The following HMGN3 variants were observed in gnomAD, a reference collection of about 807,000 sequenced individuals.
HMGN3 encodes high mobility group nucleosome-binding domain-containing protein 3.
Under a neutral mutation model 18.8 loss-of-function variants are expected in HMGN3, and 6 were observed. The observed-to-expected ratio is 0.32, with a 90% CI of 0.18 to 0.63. The LOEUF (loss-of-function observed/expected upper bound fraction) is 0.63. Among genes scored for constraint, HMGN3 ranks in the 30% least tolerant of loss-of-function variants. HMGN3 has a pLI of 0.79. For synonymous variants in HMGN3, 40 were observed against 36.5 expected (o/e 1.10, Z -0.35); for missense variants, 107 against 114.2 (o/e 0.94, Z 0.29).
rs529168416 is a variant in HMGN3 at position 79,214,458 on chromosome 6, C to T, written c.66+514G>A. Among the ~76,000 whole-genome samples the T allele has an allele frequency of 1.3e-5, 2 of 152,292 alleles. 1 individual carries two copies. The highest frequency in any genetic ancestry group is 4.1e-4 in the South Asian group (2 of 4,828). On this transcript the variant is annotated intron_variant, in intron 2 of 5. Coordinates refer to ENST00000344726, the Ensembl canonical transcript of HMGN3. ...CCTCGTGATCCGCCCGCCTCGGCCA[C>T]CCAAAATGCTGGGATTACAGGCGTG... is the stretch of plus-strand genomic sequence containing the variant.
At chr6:79,215,080 A>T in intron 1 of HMGN3, 58 bp from the exon 2 acceptor site, 1 of 1,064,844 alleles carries the variant, frequency 9.4e-7, no homozygotes, top group Admixed American at 2.4e-5. Context: ...CATTAGAAAA[A>T]TGTTTTTAAA....
chr6:79,213,007 A>C (rs1411241698), intron 2 of HMGN3, among the ~76,000 whole-genome samples: 1 of 151,948 alleles, frequency 6.6e-6, no homozygotes, highest in Non-Finnish European at 1.5e-5. Context: ...ATTTTTATTA[A>C]CAACCAAAAA....
At chr6:79,220,724 G>A (rs1777237569) in intron 1 of HMGN3, among the ~76,000 whole-genome samples, 1 of 152,184 alleles carries the variant, frequency 6.6e-6, no homozygotes, top group Admixed American at 6.5e-5. Flanking sequence ...TGAGATTACA[G>A]GTGTGAGCCA....
At chr6:79,229,824 G>A (rs1777752425) in intron 1 of HMGN3, among the ~76,000 whole-genome samples, 1 of 152,062 alleles carries the variant, frequency 6.6e-6, no homozygotes, top group African/African-American at 2.4e-5. Flanking sequence ...CTTGCAGTGA[G>A]CTGAGATCGC....
chr6:79,203,776 C>G, intron 3 of HMGN3, 146 bp from the exon 4 acceptor site: 2 of 659,160 alleles, frequency 3.0e-6, no homozygotes, highest in East Asian at 2.7e-5. Flanking sequence ...TTTTCAGCAC[C>G]AGGTAACAGC....
chr6:79,226,436 T>C (rs1777571340), intron 1 of HMGN3, among the ~76,000 whole-genome samples: 1 of 152,144 alleles, frequency 6.6e-6, no homozygotes, highest in African/African-American at 2.4e-5. Context: ...CTAAAAACAG[T>C]CTGACTCATA....
chr6:79,234,502 G>A lies in HMGN3; in HGVS notation c.15+44C>T, dbSNP rs186038725. ...ATTGCAATGCCAGCATTTACTGTAA[G>A]CAGAATTTGAAGGCTTTTGAAATCT... On this transcript the variant is annotated intron_variant, in intron 1 of 5. Coordinates refer to ENST00000344726, the Ensembl canonical transcript of HMGN3. The A allele has an allele frequency of 4.4e-6, 7 of 1,597,476 alleles. No individual in the cohort carries two copies. In the African/African-American group the frequency reaches 8.0e-5, roughly 18 times the overall value.
intron 3 of HMGN3, among the ~76,000 whole-genome samples, chr6:79,206,125 T>G (rs1029853198): frequency 1.3e-5 from 2 of 152,196 alleles, no homozygotes; most frequent in African/African-American, 4.8e-5. Context: ...CAGAAAAGTT[T>G]AGAAAATTTG....
At chr6:79,202,292 T>C in exon 5 of HMGN3, 1 of 1,613,964 alleles carries the variant, frequency 6.2e-7, no homozygotes, top group Non-Finnish European at 8.5e-7. Flanking sequence ...AGCTTTAGTT[T>C]CACCATTTTC....
chr6:79,222,341 T>C (rs1329606001), intron 1 of HMGN3, among the ~76,000 whole-genome samples: 1 of 152,138 alleles, frequency 6.6e-6, no homozygotes, highest in East Asian at 1.9e-4. Flanking sequence ...AAAACCACTA[T>C]GGCACCAAAA....
intron 1 of HMGN3, among the ~76,000 whole-genome samples, chr6:79,230,781 G>GT (rs963061585): frequency 1.6e-4 from 25 of 151,802 alleles, no homozygotes; most frequent in Non-Finnish European, 2.6e-4. Context: ...TTTGTTAACA[G>GT]TTTTTTTTCC....
chr6:79,202,421 A>T, intron 4 of HMGN3, 32 bp from the exon 5 acceptor site: 1 of 1,525,368 alleles, frequency 6.6e-7, no homozygotes, highest in Non-Finnish European at 9.1e-7. Flanking sequence ...GTGAAAGAGA[A>T]TGTTAGACAC....
At chr6:79,204,487 G>A (rs948837610) in intron 3 of HMGN3, among the ~76,000 whole-genome samples, 1 of 152,108 alleles carries the variant, frequency 6.6e-6, no homozygotes, top group African/African-American at 2.4e-5. Context: ...GGATAACTGG[G>A]GAAAGATAAC....
chr6:79,203,798 T>C (rs968593757), intron 3 of HMGN3, among the ~76,000 whole-genome samples, 168 bp from the exon 4 acceptor site: 1 of 152,232 alleles, frequency 6.6e-6, no homozygotes, highest in African/African-American at 2.4e-5. Context: ...TAAAGATCTC[T>C]GCATTTCATA....
At chr6:79,226,767 C>T (rs568369355) in intron 1 of HMGN3, among the ~76,000 whole-genome samples, 1 of 152,174 alleles carries the variant, frequency 6.6e-6, no homozygotes, top group African/African-American at 2.4e-5. Context: ...TTCTATCTTC[C>T]TACTTCTGAA....
chr6:79,213,908 C>A (rs1489358238), intron 2 of HMGN3, among the ~76,000 whole-genome samples: 1 of 152,158 alleles, frequency 6.6e-6, no homozygotes, highest in African/African-American at 2.4e-5. Flanking sequence ...TCAAGGGTAA[C>A]AGCTGCAGTT....
At chr6:79,230,936 TA>T (rs1388715485) in intron 1 of HMGN3, among the ~76,000 whole-genome samples, 2 of 152,232 alleles carry the variant, frequency 1.3e-5, no homozygotes, top group Non-Finnish European at 2.9e-5. Flanking sequence ...TCCCCTGTGC[TA>T]ATAAGCCCAA....
At chr6:79,211,011 C>A (rs1257216158) in intron 2 of HMGN3, among the ~76,000 whole-genome samples, 96 of 89,694 alleles carry the variant, frequency 1.1e-3, no homozygotes, top group African/African-American at 2.0e-3. Context: ...GAAATTAATG[C>A]AAAAAAAAAA....
intron 1 of HMGN3, chr6:79,233,657 T>G (rs1009922863): frequency 6.6e-6 from 1 of 152,060 alleles, no homozygotes; most frequent in East Asian, 1.9e-4. Context: ...CCGAGGGAGA[T>G]TTGTGTCCCT....
Sources: allele counts gnomAD v4.1 joint callset (sites outside exome capture counted in the v4.1 genomes callset), GRCh38; gene constraint gnomAD v4.1.1; transcripts MANE v1.5; gene names NCBI Gene and HGNC (gene_info 2026-07-23, HGNC 2026-07-21).